Variants in PIK3C2G observed in about 807,000 individuals in gnomAD.
PIK3C2G encodes the protein phosphatidylinositol-4-phosphate 3-kinase catalytic subunit type 2 gamma.
In PIK3C2G, 168 loss-of-function variants were observed where a neutral mutation model predicts 181.1. The ratio of observed to expected loss-of-function variants is 0.93; its 90% CI spans 0.82 to 1.05. The LOEUF (loss-of-function observed/expected upper bound fraction) is 1.05, where lower values mean the gene tolerates loss of function less well. Ranked by LOEUF, PIK3C2G falls within the 50% of genes least tolerant of loss-of-function variation. The probability of loss-of-function intolerance (pLI) is 0.00; values close to 1 mark genes in which losing one functional copy is unlikely to be tolerated. For missense variants in PIK3C2G, 1,869 were observed against 1,732.8 expected (o/e 1.08, Z -1.40); for synonymous variants, 573 against 592.2 (o/e 0.97, Z 0.47).
At chr12:18,559,664 T>C (rs568380759) in intron 26 of PIK3C2G, among the ~76,000 whole-genome samples, 12 of 150,572 alleles carry the variant, frequency 8.0e-5, no homozygotes, top group East Asian at 5.9e-4. Context: ...GTTGGACATA[T>C]AATCCAAATT....
chr12:18,307,082 T>C (rs1950450985), intron 5 of PIK3C2G, among the ~76,000 whole-genome samples: 1 of 149,228 alleles, frequency 6.7e-6, no homozygotes, highest in Admixed American at 6.8e-5. Flanking sequence ...CTAGGATGCT[T>C]ACTTGCTCAT....
chr12:18,400,094 T>A (rs1332557928), intron 16 of PIK3C2G, among the ~76,000 whole-genome samples: 1 of 152,168 alleles, frequency 6.6e-6, no homozygotes, highest in South Asian at 2.1e-4. Context: ...GGATTCTAGT[T>A]CTTACAGAAA....
intron 16 of PIK3C2G, among the ~76,000 whole-genome samples, chr12:18,417,714 A>G (rs1182002258): frequency 6.6e-6 from 1 of 151,998 alleles, no homozygotes; most frequent in Non-Finnish European, 1.5e-5. Context: ...TTAGTAGACT[A>G]CAGTATGGTA....
chr12:18,558,172 A>G (rs1431541657), intron 26 of PIK3C2G, among the ~76,000 whole-genome samples: 1 of 152,190 alleles, frequency 6.6e-6, no homozygotes, highest in Non-Finnish European at 1.5e-5. Context: ...AGATAAATGC[A>G]ACAAAACGAG....
intron 8 of PIK3C2G, among the ~76,000 whole-genome samples, chr12:18,334,498 T>C (rs191267417): frequency 2.0e-5 from 3 of 152,276 alleles, no homozygotes; most frequent in East Asian, 3.9e-4. Flanking sequence ...TTCACGTTGA[T>C]GTCTATTAAG....
intron 16 of PIK3C2G, among the ~76,000 whole-genome samples, chr12:18,408,028 CAG>C (rs1944636824): frequency 2.0e-5 from 3 of 152,090 alleles, no homozygotes; most frequent in Non-Finnish European, 4.4e-5. Context: ...TTCTAAGTAA[CAG>C]AATATTTTGA....
At chr12:18,315,139 T>C (rs1300007931) in intron 6 of PIK3C2G, among the ~76,000 whole-genome samples, 1 of 151,734 alleles carries the variant, frequency 6.6e-6, no homozygotes, top group East Asian at 1.9e-4. Flanking sequence ...GGATGTTTTC[T>C]TTTTTTTCTA....
chr12:18,696,687 T>C, the PIK3C2G span, among the ~76,000 whole-genome samples: 13 of 152,026 alleles, frequency 8.6e-5, no homozygotes, highest in Admixed American at 3.9e-4. Flanking sequence ...GGCAGAATCA[T>C]ATGGAAGTCA....
At position 18,609,516 on chromosome 12, in the gene PIK3C2G, A is replaced by C. The variant is rs2277328; in HGVS notation, c.4088-19A>C. ...AGCTTTTTCCAACTGAACTCACTGAAATTCTATTCTTTTATCAGGTGAGAA... is the reference window on the plus strand; with the variant it reads ...AGCTTTTTCCAACTGAACTCACTGACATTCTATTCTTTTATCAGGTGAGAA... On this transcript the variant is annotated intron_variant, in intron 30 of 32. Coordinates refer to ENST00000538779, the MANE Select transcript of PIK3C2G (RefSeq NM_001288772.2). The C allele has an allele frequency of 0.15, 218,689 of 1,473,870 alleles. 16,947 individuals are homozygous for C. The highest frequency in any genetic ancestry group is 0.19 in the African/African-American group (13,705 of 71,860). 91.3% of individuals were successfully genotyped at this position (1,473,870 alleles called of 1,614,324 possible).
At chr12:18,469,522 A>G (rs1938244117) in intron 18 of PIK3C2G, among the ~76,000 whole-genome samples, 1 of 152,100 alleles carries the variant, frequency 6.6e-6, no homozygotes, top group African/African-American at 2.4e-5. Context: ...CATTTTTCAA[A>G]TTGTAGTTGA....
chr12:18,598,040 G>A (rs1218505583), intron 30 of PIK3C2G, among the ~76,000 whole-genome samples: 2 of 152,094 alleles, frequency 1.3e-5, no homozygotes, highest in African/African-American at 4.8e-5. Context: ...TCATGGGTAG[G>A]AAGAATCAAT....
At chr12:18,364,956 AT>A (rs1941534149) in intron 12 of PIK3C2G, among the ~76,000 whole-genome samples, 1 of 152,244 alleles carries the variant, frequency 6.6e-6, no homozygotes, top group Non-Finnish European at 1.5e-5. Context: ...TTCTGATTTA[AT>A]TAAAAGTAAT....
At chr12:18,546,281 T>C in intron 25 of PIK3C2G, 42 bp from the exon 26 acceptor site, 1 of 1,158,598 alleles carries the variant, frequency 8.6e-7, no homozygotes, top group Non-Finnish European at 1.3e-6. Flanking sequence ...TCTGCATTTA[T>C]TCTGTCTTCT....
intron 18 of PIK3C2G, among the ~76,000 whole-genome samples, chr12:18,486,557 A>G (rs1940059832): frequency 6.6e-6 from 1 of 152,058 alleles, no homozygotes; most frequent in Admixed American, 6.6e-5. Flanking sequence ...TTGGTAAAAA[A>G]TTGTTGATTT....
chr12:18,708,553 G>A, the PIK3C2G span, among the ~76,000 whole-genome samples: 12 of 152,120 alleles, frequency 7.9e-5, no homozygotes, highest in African/African-American at 2.9e-4. Context: ...TCATATGGTG[G>A]CTCTATTTTT....
At chr12:18,409,752 C>G (rs1944750152) in intron 16 of PIK3C2G, among the ~76,000 whole-genome samples, 1 of 152,016 alleles carries the variant, frequency 6.6e-6, no homozygotes, top group Admixed American at 6.6e-5. Flanking sequence ...TCTGTTCTCA[C>G]ATTGCTATAA....
intron 9 of PIK3C2G, among the ~76,000 whole-genome samples, chr12:18,340,523 G>C (rs1939036237): frequency 6.6e-6 from 1 of 152,064 alleles, no homozygotes; most frequent in Non-Finnish European, 1.5e-5. Flanking sequence ...GTGATGTTAA[G>C]TCAGTATAAC....
the PIK3C2G span, among the ~76,000 whole-genome samples, chr12:18,692,058 GA>G: frequency 6.6e-5 from 10 of 152,160 alleles, no homozygotes; most frequent in African/African-American, 2.2e-4. Flanking sequence ...GCTGAGCCAG[GA>G]AAAGTCGCAG....
chr12:18,559,543 C>T (rs1283832098), intron 26 of PIK3C2G, among the ~76,000 whole-genome samples: 1 of 151,506 alleles, frequency 6.6e-6, no homozygotes, highest in African/African-American at 2.4e-5. Context: ...CTCTATTTCA[C>T]AGGCAAGGGT....
Sources: gnomAD v4.1 joint callset for allele counts (sites outside exome capture counted in the v4.1 genomes callset) on GRCh38, gnomAD v4.1.1 for gene constraint, MANE v1.5 for transcripts, NCBI Gene and HGNC (gene_info 2026-07-23, HGNC 2026-07-21) for gene names.